The following DMXL1 variants were observed in gnomAD, a reference collection of about 807,000 sequenced individuals.
DMXL1 encodes Dmx like 1, also known as dmX-like protein 1.
DMXL1 carries 99 observed loss-of-function variants against 319.2 expected under a neutral mutation model. The observed-to-expected ratio is 0.31, with a 90% CI of 0.26 to 0.37. The LOEUF is 0.37. Among genes scored for constraint, DMXL1 ranks in the 10% least tolerant of loss-of-function variants. DMXL1 has a pLI of 1.00. For synonymous variants in DMXL1, 1,385 were observed against 1,235.2 expected (o/e 1.12, Z -2.54); for missense variants, 3,745 against 3,595.6 (o/e 1.04, Z -1.06).
chr5:119,080,003 C>T (rs935967360), intron 1 of DMXL1, among the ~76,000 whole-genome samples: 14 of 152,286 alleles, frequency 9.2e-5, no homozygotes, highest in Admixed American at 2.0e-4. Context: ...CTGTCTTTAG[C>T]TTCATATTGA....
Position 119,170,569 on chromosome 5 carries a change from G to A in DMXL1, c.5778G>A (p.Gln1926=). The change falls in exon 24 of 44, where the codon CAG becomes CAA. Residue 1926 remains glutamine, a synonymous_variant. Transcript: ENST00000539542. ...AGTCTTCTGCTGTTGATTGGTCACAGTCACTGATAAATGGTTTTGGATCTT... is the reference window on the plus strand; with the variant it reads ...AGTCTTCTGCTGTTGATTGGTCACAATCACTGATAAATGGTTTTGGATCTT... The part of the protein sequence containing the change: ...EDKSSAVDWS[Q]SLINGFGSSS... The A allele has an allele frequency of 6.2e-7, 1 of 1,613,918 alleles. No individual in the cohort carries two copies. The highest frequency in any genetic ancestry group is 1.7e-4 in the Middle Eastern group (1 of 6,060).
intron 1 of DMXL1, chr5:119,081,476 A>G: frequency 1.3e-6 from 1 of 748,256 alleles, no homozygotes; most frequent in Non-Finnish European, 1.6e-6. Flanking sequence ...TTAATGTGTA[A>G]AAACTGCTTG....
intron 1 of DMXL1, among the ~76,000 whole-genome samples, chr5:119,095,972 A>G (rs1305443322): frequency 6.6e-6 from 1 of 152,152 alleles, no homozygotes; most frequent in Non-Finnish European, 1.5e-5. Context: ...GTACCATGGA[A>G]ATAGCAGGAG....
chr5:119,088,157 T>G (rs1753792545), intron 1 of DMXL1, among the ~76,000 whole-genome samples: 1 of 152,202 alleles, frequency 6.6e-6, no homozygotes, highest in Admixed American at 6.5e-5. Flanking sequence ...ATATTTATAA[T>G]TGTTTATACT....
At chr5:119,105,544 G>C (rs1758144192) in intron 4 of DMXL1, among the ~76,000 whole-genome samples, 1 of 152,134 alleles carries the variant, frequency 6.6e-6, no homozygotes, top group Non-Finnish European at 1.5e-5. Flanking sequence ...TTGGACCTGA[G>C]AGTAAACAGA....
chr5:119,175,278 T>G lies in DMXL1; in HGVS notation c.6699T>G (p.Thr2233=). The G allele has an allele frequency of 1.2e-6, 2 of 1,611,822 alleles. No homozygotes were observed. The highest frequency in any genetic ancestry group is 8.5e-7 in the Non-Finnish European group (1 of 1,179,002). Residue 2233 remains threonine, a synonymous_variant, in exon 26 of 44, where the codon ACT becomes ACG. Transcript: ENST00000539542. The part of the protein sequence containing the change: ...IQSNKVYVMH[T]LAASLSACIY... ...TTTTCCAGGTGTATGTAATGCATAC[T>G]TTAGCAGCTTCACTTTCTGCTTGTA...
At chr5:119,076,889 C>G (rs961031868) in intron 1 of DMXL1, among the ~76,000 whole-genome samples, 2 of 152,186 alleles carry the variant, frequency 1.3e-5, no homozygotes, top group African/African-American at 4.8e-5. Context: ...TCCTGTGCAT[C>G]GTGTTTATTC....
chr5:119,177,554 T>TA, intron 27 of DMXL1, 70 bp downstream of exon 27: 2 of 1,332,796 alleles, frequency 1.5e-6, no homozygotes, highest in Non-Finnish European at 2.0e-6. Context: ...AGAAAGACTT[T>TA]TAGTTTTGCC....
chr5:119,102,568 C>T lies in DMXL1; in HGVS notation c.285+562C>T, dbSNP rs183403330. The stretch of plus-strand genomic sequence containing the variant: ...TTAATGCTTGTGCCTGTAATCCTCT[C>T]TATTTGGGAGGCTGAGGCAGGAGGA... On this transcript the variant is annotated intron_variant, in intron 3 of 43. Transcript: ENST00000539542. Among the ~76,000 whole-genome samples, 37 of 152,284 alleles carry T rather than the reference C, an allele frequency of 2.4e-4. No individual in the cohort carries two copies. The East Asian group carries it at 6.0e-3, about 25-fold the overall frequency.
At chr5:119,175,895 T>C (rs551359596) in intron 26 of DMXL1, among the ~76,000 whole-genome samples, 1 of 152,258 alleles carries the variant, frequency 6.6e-6, no homozygotes, top group South Asian at 2.1e-4. Flanking sequence ...GGGGTCTTTC[T>C]ATATCTATCT....
At chr5:119,085,974 GAT>G (rs1753265244) in intron 1 of DMXL1, among the ~76,000 whole-genome samples, 1 of 152,150 alleles carries the variant, frequency 6.6e-6, no homozygotes, top group South Asian at 2.1e-4. Context: ...CTGTTAAGGT[GAT>G]ATATCACGTT....
chr5:119,116,263 T>C lies in DMXL1; in HGVS notation c.670T>C (p.Ser224Pro). The change falls in exon 7 of 44, where the codon TCT (serine) becomes CCT (proline). Residue 224 changes from serine to proline, a missense_variant. Coordinates refer to ENST00000539542, the MANE Select transcript of DMXL1 (RefSeq NM_001290321.3). The part of the protein sequence containing the change: ...EKQSQGEIDF[S>P]FVYLAHPRAV... ...ACAATCCCAAGGAGAAATTGACTTT[T>C]CTTTTGTGTATCTGGCCCATCCTCG... The C allele has an allele frequency of 2.5e-6, 4 of 1,614,152 alleles. No homozygotes were observed. The highest frequency in any genetic ancestry group is 3.4e-6 in the Non-Finnish European group (4 of 1,180,002).
chr5:119,163,305 T>C (rs1275783709), intron 19 of DMXL1, among the ~76,000 whole-genome samples: 4 of 152,250 alleles, frequency 2.6e-5, no homozygotes, highest in Non-Finnish European at 2.9e-5. Context: ...TATGAATATA[T>C]TATGCTGGTA....
At chr5:119,195,972 C>G (rs962853872) in intron 30 of DMXL1, among the ~76,000 whole-genome samples, 1 of 152,174 alleles carries the variant, frequency 6.6e-6, no homozygotes, top group African/African-American at 2.4e-5. Flanking sequence ...GCAAAAGCAT[C>G]TATCTAAATT....
chr5:119,214,250 C>T (rs1194978556), intron 34 of DMXL1, among the ~76,000 whole-genome samples: 1 of 152,136 alleles, frequency 6.6e-6, no homozygotes, highest in Non-Finnish European at 1.5e-5. Context: ...CTTTTTCTTT[C>T]CTTCTTTTAT....
At chr5:119,156,198 C>T (rs946562191) in intron 19 of DMXL1, among the ~76,000 whole-genome samples, 1 of 152,210 alleles carries the variant, frequency 6.6e-6, no homozygotes, top group African/African-American at 2.4e-5. Flanking sequence ...CAGCCGGTAA[C>T]ATCAAGGCAA....
intron 7 of DMXL1, among the ~76,000 whole-genome samples, chr5:119,118,135 G>A (rs1478378607): frequency 6.6e-6 from 1 of 152,122 alleles, no homozygotes; most frequent in Non-Finnish European, 1.5e-5. Context: ...GTGGCAAAAA[G>A]GAAATTAACT....
intron 34 of DMXL1, among the ~76,000 whole-genome samples, chr5:119,213,104 C>A (rs550951570): frequency 3.9e-5 from 6 of 152,172 alleles, no homozygotes; most frequent in Admixed American, 3.9e-4. Flanking sequence ...TATAAAACTA[C>A]CCTGCAGTCA....
chr5:119,133,099 A>G, intron 10 of DMXL1, 33 bp from the exon 11 acceptor site: 3 of 1,607,730 alleles, frequency 1.9e-6, no homozygotes, highest in Non-Finnish European at 2.6e-6. Context: ...ACCTGTTTGT[A>G]TTTACTTGGT....
Sources: allele counts gnomAD v4.1 joint callset (sites outside exome capture counted in the v4.1 genomes callset), GRCh38; gene constraint gnomAD v4.1.1; transcripts MANE v1.5; gene names NCBI Gene and HGNC (gene_info 2026-07-23, HGNC 2026-07-21).